Variants in LCORL observed in about 807,000 individuals in gnomAD.
The protein encoded by LCORL is ligand-dependent nuclear receptor corepressor-like protein.
In LCORL, 41 loss-of-function variants were observed where a neutral mutation model predicts 141.8. The observed-to-expected ratio is 0.29, with a 90% CI of 0.23 to 0.38. The LOEUF (loss-of-function observed/expected upper bound fraction) is 0.38. Ranked by LOEUF, LCORL falls within the 10% of genes least tolerant of loss-of-function variation. LCORL has a pLI of 1.00. For synonymous variants in LCORL, 618 were observed against 694.1 expected (o/e 0.89, Z 1.72); for missense variants, 1,759 against 2,035.0 (o/e 0.86, Z 2.61).
At chr4:18,010,504 C>T (rs1457386425) in intron 1 of LCORL, among the ~76,000 whole-genome samples, 1 of 151,988 alleles carries the variant, frequency 6.6e-6, no homozygotes, top group Admixed American at 6.6e-5. Context: ...GGCTGGAGTG[C>T]AGTGGCATGA....
intron 4 of LCORL, among the ~76,000 whole-genome samples, chr4:17,940,122 ATATATG>A (rs1198314998): frequency 1.4e-5 from 2 of 147,794 alleles, no homozygotes; most frequent in Non-Finnish European, 3.0e-5. Context: ...GTGTGTATAT[ATATATG>A]TATATGTGTA....
chr4:17,909,415 T>C, intron 4 of LCORL, 70 bp from the exon 5 acceptor site: 1 of 1,165,024 alleles, frequency 8.6e-7, no homozygotes, highest in Non-Finnish European at 1.2e-6. Flanking sequence ...TAAATTTATT[T>C]TTATTACAAA....
chr4:17,912,992 G>A (rs188196362), intron 4 of LCORL: 634 of 370,610 alleles, frequency 1.7e-3, no homozygotes, highest in Non-Finnish European at 2.8e-3. Context: ...AGCAGAAGTA[G>A]GGTCCGCTCT....
chr4:18,006,086 G>A lies in LCORL; in HGVS notation c.154+15512C>T, dbSNP rs999434488. Among the ~76,000 whole-genome samples, 3 of 152,084 alleles carry A rather than the reference G, an allele frequency of 2.0e-5. No individual in the cohort carries two copies. In the East Asian group the frequency reaches 5.8e-4, roughly 29 times the overall value. ...ACCAAATGCCTTTAATGGCACCTAA[G>A]TCACCTCTTGAATGCTTTGCTGCTT... On this transcript the variant is annotated intron_variant, in intron 1 of 7. Transcript: ENST00000635767.
At chr4:17,905,348 A>G (rs1731446231) in intron 5 of LCORL, among the ~76,000 whole-genome samples, 1 of 152,036 alleles carries the variant, frequency 6.6e-6, no homozygotes, top group African/African-American at 2.4e-5. Context: ...TAATTTAGAA[A>G]ATTAAGAAAA....
intron 1 of LCORL, among the ~76,000 whole-genome samples, chr4:17,988,169 C>G (rs1348210758): frequency 6.6e-6 from 1 of 152,208 alleles, no homozygotes; most frequent in East Asian, 1.9e-4. Flanking sequence ...GTGACTTGCT[C>G]CTCCTTGCCT....
At chr4:17,905,806 G>A (rs1731521822) in intron 5 of LCORL, among the ~76,000 whole-genome samples, 1 of 151,804 alleles carries the variant, frequency 6.6e-6, no homozygotes, top group African/African-American at 2.4e-5. Flanking sequence ...TACAGAGTGA[G>A]AATAATATGA....
At chr4:17,880,603 T>C (rs1295771640) in intron 6 of LCORL, 99 of 978,168 alleles carry the variant, frequency 1.0e-4, no homozygotes, top group Non-Finnish European at 1.2e-4. Flanking sequence ...AGTCAGTTTT[T>C]TTCTTTTCTT....
Position 17,843,627 on chromosome 4 carries a change from G to GTCAC in LCORL, c.*2257_*2260dup, listed in dbSNP as rs1246987124. The GTCAC allele has an allele frequency of 2.1e-5, 9 of 421,596 alleles. No individual in the cohort carries two copies. In the East Asian group the frequency reaches 3.1e-4, roughly 14 times the overall value. The allele number at this position is 421,596 out of a possible 1,614,324, so 26.1% of individuals were successfully genotyped here. ...GTCCAGAAAAAGTGTGCATCAGTCA[G>GTCAC]TCACACAGATTTATCACAATCTGAG... On this transcript the variant is annotated 3_prime_UTR_variant, in exon 8 of 8. Coordinates refer to ENST00000635767, the Ensembl canonical transcript of LCORL.
chr4:17,888,931 CCTAAGT>C (rs932236395), intron 5 of LCORL, among the ~76,000 whole-genome samples: 2 of 152,022 alleles, frequency 1.3e-5, no homozygotes, highest in African/African-American at 4.8e-5. Context: ...AACACATTCC[CCTAAGT>C]CTGTTACTCT....
At position 17,912,147 on chromosome 4, in the gene LCORL, T is replaced by C. The variant is rs775752524; in HGVS notation, c.431-2802A>G. On this transcript the variant is annotated intron_variant, in intron 4 of 7. Coordinates refer to ENST00000635767, the Ensembl canonical transcript of LCORL. ...CAAATACTGTGGACAATGCCCGCAT[T>C]GTTCTGCAGATCGACAATGCCCGTC... is the stretch of plus-strand genomic sequence containing the variant. 6.5e-5 allele frequency: 65 copies of C among 1,006,492 alleles called. 1 individual carries two copies. The highest frequency in any genetic ancestry group is 1.0e-4 in the Non-Finnish European group (64 of 636,642). The allele number at this position is 1,006,492 out of a possible 1,614,324, so 62.3% of individuals were successfully genotyped here. A position where few individuals can be genotyped will look rare whatever the true frequency, so the allele number is the denominator to read the frequency against.
chr4:17,858,318 G>T (rs1286747545), intron 7 of LCORL, among the ~76,000 whole-genome samples: 1 of 148,892 alleles, frequency 6.7e-6, no homozygotes, highest in Non-Finnish European at 1.5e-5. Context: ...TTAAAATAAG[G>T]AGAGGAAAAA....
Position 17,978,197 on chromosome 4 carries a change from T to C in LCORL, c.155-5312A>G, listed in dbSNP as rs149799140. ...TGCATATCTAATACTTTTGCTTGAA[T>C]GCCAGACATTGTGAATTTTACATTG... On this transcript the variant is annotated intron_variant, in intron 1 of 7. Transcript: ENST00000635767. Among the ~76,000 whole-genome samples, 75 of 152,334 alleles carry C rather than the reference T, an allele frequency of 4.9e-4. 1 individual carries two copies. In the South Asian group the frequency reaches 0.013, roughly 26 times the overall value.
At chr4:17,871,243 TA>T (rs200603852) in intron 7 of LCORL, among the ~76,000 whole-genome samples, 3,517 of 150,028 alleles carry the variant, frequency 0.023, 74 homozygotes, top group Non-Finnish European at 0.033. Flanking sequence ...GTTGATTGAC[TA>T]AAAAAAAAGA....
Position 17,851,491 on chromosome 4 carries a change from T to C in LCORL, c.5603-5590A>G, listed in dbSNP as rs955141416. On this transcript the variant is annotated intron_variant, in intron 7 of 7. Coordinates refer to ENST00000635767, the Ensembl canonical transcript of LCORL. ...CTGTTCTGTATCTTGCTTTAAAATA[T>C]GTATTTTGGATACTGTTTCATATTT... is the stretch of plus-strand genomic sequence containing the variant. Among the ~76,000 whole-genome samples, 4 of 152,210 alleles carry C rather than the reference T, an allele frequency of 2.6e-5. No homozygotes were observed. In the East Asian group the frequency reaches 7.7e-4, roughly 29 times the overall value.
chr4:17,898,644 T>G (rs559865843), intron 5 of LCORL, among the ~76,000 whole-genome samples: 1 of 140,152 alleles, frequency 7.1e-6, no homozygotes, highest in South Asian at 2.4e-4. Flanking sequence ...CAAGAGATCA[T>G]TCTCACCGTT....
intron 7 of LCORL, among the ~76,000 whole-genome samples, chr4:17,870,090 C>T (rs1436786263): frequency 6.6e-6 from 1 of 152,116 alleles, no homozygotes. Flanking sequence ...CCCTCCTGAT[C>T]CATGATTCCT....
chr4:17,974,540 C>T (rs567340551), intron 1 of LCORL, among the ~76,000 whole-genome samples: 191 of 152,208 alleles, frequency 1.3e-3, no homozygotes, highest in South Asian at 2.9e-3. Context: ...CAAATGGTAC[C>T]CTTGTGCCCT....
intron 1 of LCORL, among the ~76,000 whole-genome samples, chr4:17,997,113 A>G (rs570563680): frequency 2.6e-5 from 4 of 152,268 alleles, no homozygotes; most frequent in Admixed American, 2.6e-4. Context: ...CTTCCAAACT[A>G]AACTAAAACA....
Sources: allele counts gnomAD v4.1 joint callset (sites outside exome capture counted in the v4.1 genomes callset), GRCh38; gene constraint gnomAD v4.1.1; transcripts MANE v1.5; gene names NCBI Gene and HGNC (gene_info 2026-07-23, HGNC 2026-07-21).